The following PLEKHA7 variants were observed in gnomAD, a reference collection of about 807,000 sequenced individuals.
PLEKHA7 encodes pleckstrin homology domain-containing family A member 7.
Under a neutral mutation model 170.0 loss-of-function variants are expected in PLEKHA7, and 104 were observed. The observed-to-expected ratio is 0.61, with a 90% CI of 0.52 to 0.72. PLEKHA7 has a LOEUF of 0.72. Ranked by LOEUF, PLEKHA7 falls within the 30% of genes least tolerant of loss-of-function variation. The pLI, the probability that PLEKHA7 is intolerant of heterozygous loss-of-function variation, is 0.00. For missense variants in PLEKHA7, 1,615 were observed against 1,671.7 expected (o/e 0.97, Z 0.59); for synonymous variants, 648 against 660.8 (o/e 0.98, Z 0.30).
intron 3 of PLEKHA7, among the ~76,000 whole-genome samples, chr11:16,957,448 TTATATGAAATATCCAGAGCAGA>T (rs1369295463): frequency 3.9e-5 from 6 of 152,202 alleles, no homozygotes; most frequent in Non-Finnish European, 7.3e-5. Flanking sequence ...ATGATTCCAT[TTATATGAAATATCCAGAGCAGA>T]TAAGTCTACA....
chr11:16,878,668 T>G (rs1179770091), intron 3 of PLEKHA7, among the ~76,000 whole-genome samples: 4 of 152,204 alleles, frequency 2.6e-5, no homozygotes, highest in African/African-American at 9.6e-5. Flanking sequence ...CAATCGCAGC[T>G]CACTGCAACT....
Position 16,817,163 on chromosome 11 carries a change from T to C in PLEKHA7, c.1503A>G (p.Arg501=). The part of the protein sequence containing the change: ...LPSDYKYAQD[R]ASHLKMSSEE... ...CACTCGACATCTTCAGGTGGCTGGC[T>C]CGGTCCTGCGCATACTTGTAGTCAC... is the stretch of plus-strand genomic sequence containing the variant. Residue 501 remains arginine (R), a synonymous_variant, in exon 11 of 27, where the codon CGA becomes CGG. Transcript: ENST00000531066. This position sits in a 1 kb window ranked among gnomAD's most constrained non-coding sequence, Gnocchi z 4.4. The C allele has an allele frequency of 6.2e-7, 1 of 1,614,176 alleles. No individual in the cohort carries two copies. Among genetic ancestry groups the C allele is most frequent in the Non-Finnish European group, 8.5e-7 (1 of 1,180,034 alleles).
At chr11:16,788,816 G>A in intron 23 of PLEKHA7, 1 of 528,584 alleles carries the variant, frequency 1.9e-6, no homozygotes. Context: ...CCGAACGCCT[G>A]CAAAGGCCCC....
intron 23 of PLEKHA7, chr11:16,786,705 G>T: frequency 2.0e-6 from 2 of 985,368 alleles, no homozygotes; most frequent in Non-Finnish European, 2.4e-6. Context: ...AACAACTTGG[G>T]ACAGAGTTCT....
chr11:16,980,060 T>C lies in PLEKHA7; in HGVS notation c.221+33929A>G, dbSNP rs191690252. Among the ~76,000 whole-genome samples, 21 of 152,262 alleles carry C rather than the reference T, an allele frequency of 1.4e-4. 1 individual carries two copies. The East Asian group carries it at 4.1e-3, about 29-fold the overall frequency. On this transcript the variant is annotated intron_variant, in intron 3 of 26. Coordinates refer to ENST00000531066, the MANE Select transcript of PLEKHA7 (RefSeq NM_001329630.2). Reference sequence around the variant, plus strand: ...AGTAATGACCAACAGCCACAGGAAGTGCAAGGCAGAACAAAGGAACCCCTA... The same window carrying C: ...AGTAATGACCAACAGCCACAGGAAGCGCAAGGCAGAACAAAGGAACCCCTA...
intron 3 of PLEKHA7, among the ~76,000 whole-genome samples, chr11:16,919,296 A>C (rs1253950829): frequency 6.6e-6 from 1 of 152,176 alleles, no homozygotes; most frequent in Non-Finnish European, 1.5e-5. Context: ...GTGAAAAGAA[A>C]ACTTGGGTTC....
intron 18 of PLEKHA7, 44 bp from the exon 19 acceptor site, chr11:16,794,758 C>A (rs774675629): frequency 3.1e-6 from 5 of 1,591,398 alleles, no homozygotes; most frequent in South Asian, 1.1e-5. Context: ...GGAACAAAGA[C>A]CCCCTTCCTT....
At chr11:16,788,984 AG>A in intron 23 of PLEKHA7, 111 bp downstream of exon 23, 1 of 1,319,912 alleles carries the variant, frequency 7.6e-7, no homozygotes, top group South Asian at 1.4e-5. Context: ...TGAACCATGT[AG>A]GTCAATGGAC....
intron 3 of PLEKHA7, among the ~76,000 whole-genome samples, chr11:16,901,766 G>A (rs1187016170): frequency 6.6e-6 from 1 of 152,200 alleles, no homozygotes; most frequent in East Asian, 1.9e-4. Context: ...AGCTACTCAA[G>A]AGGCTGAGGT....
In PLEKHA7 at chr11:16,791,925, A is replaced by T. The variant is rs1847886438; in HGVS notation, c.2746-726T>A. Among the ~76,000 whole-genome samples, 1 of 152,052 alleles carries T rather than the reference A, an allele frequency of 6.6e-6. No individual in the cohort carries two copies. Among genetic ancestry groups the T allele is most frequent in the African/African-American group, 2.4e-5 (1 of 41,394 alleles). ...ACAGACCGGCCCCTGGTTGCCATGA[A>T]CACCCACTCGCAGGACTAACGACCA... On this transcript the variant is annotated intron_variant, in intron 19 of 26. Transcript: ENST00000531066. The surrounding 1 kb of genome is among the most constrained non-coding windows in gnomAD (Gnocchi z 4.5).
Position 16,842,404 on chromosome 11 carries a change from C to T in PLEKHA7, c.697-682G>A, listed in dbSNP as rs1403466798. Reference sequence around the variant, plus strand: ...GCTGCACACCAGTCGAAGAGGAAGACCATCCCTGAGAGAGGAGGACCGGTC... The same window carrying T: ...GCTGCACACCAGTCGAAGAGGAAGATCATCCCTGAGAGAGGAGGACCGGTC... On this transcript the variant is annotated intron_variant, in intron 8 of 26. Transcript: ENST00000531066. 2.0e-5 allele frequency: 3 copies of T among 152,574 alleles called. No individual in the cohort carries two copies. The Middle Eastern group carries it at 0.01, about 519-fold the overall frequency. 9.5% of individuals were successfully genotyped at this position (152,574 alleles called of 1,614,324 possible). A position where few individuals can be genotyped will look rare whatever the true frequency, so the allele number is the denominator to read the frequency against.
chr11:16,990,429 T>C (rs968605618), intron 3 of PLEKHA7, among the ~76,000 whole-genome samples: 48 of 152,212 alleles, frequency 3.2e-4, no homozygotes, highest in Middle Eastern at 3.4e-3. Flanking sequence ...TGTGCTACAC[T>C]TGAGGCTGCA....
In PLEKHA7 at chr11:16,794,613, GCA is replaced by G; in HGVS notation, c.2618_2619del (p.Val873AlafsTer37). 6.2e-7 allele frequency: 1 copy of G among 1,613,614 alleles called. No homozygotes were observed. Among genetic ancestry groups the G allele is most frequent in the Non-Finnish European group, 8.5e-7 (1 of 1,179,774 alleles). ...PPQPSPPTSP[V>X]RTPLEVRLFP... is the part of the protein sequence containing the mutation. ...AAGAGTCGAACCTCCAGAGGGGTCC[GCA>G]CAGGGCTGGTGGGAGGACTGGGCTG... On this transcript the variant is annotated frameshift_variant, in exon 19 of 27. Transcript: ENST00000531066. LOFTEE classifies it high-confidence loss of function.
At chr11:17,002,650 C>T (rs937619117) in intron 3 of PLEKHA7, among the ~76,000 whole-genome samples, 7 of 152,146 alleles carry the variant, frequency 4.6e-5, no homozygotes, top group African/African-American at 1.7e-4. Flanking sequence ...CATTTTTCAA[C>T]TAGAAAGCAC....
chr11:16,892,459 G>T (rs7940807), intron 3 of PLEKHA7, among the ~76,000 whole-genome samples: 19,192 of 95,150 alleles, frequency 0.2, 1,506 homozygotes, highest in African/African-American at 0.26. Context: ...GTTTTGTTTT[G>T]TTTTGAGATA....
Position 16,851,214 on chromosome 11 carries a change from T to A in PLEKHA7, c.673A>T (p.Ile225Leu). Residue 225 changes from isoleucine to leucine, a missense_variant, in exon 8 of 27, where the codon ATA (isoleucine) becomes TTA (leucine). Physicochemically the swap from Ile to Leu is conservative, Grantham distance 5 (BLOSUM62 2). Coordinates refer to ENST00000531066, the MANE Select transcript of PLEKHA7 (RefSeq NM_001329630.2). ...ACCTTAAAGGAATATTTGCGGCTTA[T>A]GCGATCCTCAGGGGCCACAGGAGAG... ...VISPVAPEDRISRKYSFKAVH... is the reference protein window; with the variant it reads ...VISPVAPEDRLSRKYSFKAVH... 6.2e-7 allele frequency: 1 copy of A among 1,610,362 alleles called. No homozygotes were observed. The highest frequency in any genetic ancestry group is 8.5e-7 in the Non-Finnish European group (1 of 1,178,184).
Position 17,005,337 on chromosome 11 carries a change from G to A in PLEKHA7, c.221+8652C>T, listed in dbSNP as rs554130124. Among the ~76,000 whole-genome samples, 34 of 152,208 alleles carry A rather than the reference G, an allele frequency of 2.2e-4. No homozygotes were observed. The South Asian group carries it at 7.1e-3, about 32-fold the overall frequency. On this transcript the variant is annotated intron_variant, in intron 3 of 26. Coordinates refer to ENST00000531066, the MANE Select transcript of PLEKHA7 (RefSeq NM_001329630.2). ...ACTTGAGGTCAGGAGTTTGAGACCA[G>A]CCTGGCCAACATGGTGAAACCCCGT...
Position 16,800,509 on chromosome 11 carries a change from G to A in PLEKHA7, c.2409+465C>T, listed in dbSNP as rs141959601. 5.3e-5 allele frequency among the ~76,000 whole-genome samples: 8 copies of A among 152,302 alleles called. No individual in the cohort carries two copies. The East Asian group carries it at 1.2e-3, about 22-fold the overall frequency. Reference sequence around the variant, plus strand: ...CAGATGACTGCCTGGAGACCAGAGTGCCTCAAAGGACAGAATTCACACTGT... The same window carrying A: ...CAGATGACTGCCTGGAGACCAGAGTACCTCAAAGGACAGAATTCACACTGT... On this transcript the variant is annotated intron_variant, in intron 17 of 26. Coordinates refer to ENST00000531066, the MANE Select transcript of PLEKHA7 (RefSeq NM_001329630.2).
chr11:16,977,710 T>C (rs1450935549), intron 3 of PLEKHA7, among the ~76,000 whole-genome samples: 2 of 152,150 alleles, frequency 1.3e-5, no homozygotes, highest in East Asian at 1.9e-4. Context: ...TCAGCAACTA[T>C]GCCTAAGTGC....
Sources: gnomAD v4.1 joint callset for allele counts (sites outside exome capture counted in the v4.1 genomes callset) on GRCh38, gnomAD v4.1.1 for gene constraint, Gnocchi (gnomAD v3.1) non-coding constraint, MANE v1.5 for transcripts, NCBI Gene and HGNC (gene_info 2026-07-23, HGNC 2026-07-21) for gene names.